MECOM: variants seen among roughly 807,000 people sequenced by gnomAD.
MECOM encodes histone-lysine N-methyltransferase MECOM.
Under a neutral mutation model 116.3 loss-of-function variants are expected in MECOM, and 13 were observed. The observed-to-expected ratio is 0.11, with a 90% CI of 0.07 to 0.18. The LOEUF is 0.18. Among genes scored for constraint, MECOM ranks in the 10% least tolerant of loss-of-function variants. MECOM has a pLI of 1.00. For synonymous variants in MECOM, 528 were observed against 535.2 expected, an observed-to-expected ratio of 0.99 and a Z score of 0.19; for missense variants, 1,299 against 1,509.0, an observed-to-expected ratio of 0.86 and a Z score of 2.31.
chr3:169,277,860 G>T (rs1447361869), intron 2 of MECOM, among the ~76,000 whole-genome samples: 1 of 152,168 alleles, frequency 6.6e-6, no homozygotes, highest in Non-Finnish European at 1.5e-5. Flanking sequence ...TCCAACCAGG[G>T]TTTCTCCCAA....
At chr3:169,313,660 C>T (rs543573083) in intron 2 of MECOM, among the ~76,000 whole-genome samples, 9 of 152,258 alleles carry the variant, frequency 5.9e-5, no homozygotes, top group African/African-American at 1.7e-4. Flanking sequence ...CTTAGTCTAG[C>T]TCCTCAGTGA....
chr3:169,329,603 G>T (rs1408618411), intron 2 of MECOM, among the ~76,000 whole-genome samples: 3 of 152,118 alleles, frequency 2.0e-5, no homozygotes, highest in Admixed American at 2.0e-4. Flanking sequence ...AGTTTATATT[G>T]CCTCCTGAGC....
At chr3:169,537,620 G>A (rs376916063) in intron 1 of MECOM, among the ~76,000 whole-genome samples, 91 of 151,840 alleles carry the variant, frequency 6.0e-4, no homozygotes, top group Middle Eastern at 3.4e-3. Flanking sequence ...CAATTTTAAC[G>A]GTCATCCCCT....
chr3:169,333,214 T>C (rs1447234008), intron 2 of MECOM, among the ~76,000 whole-genome samples: 1 of 152,012 alleles, frequency 6.6e-6, no homozygotes, highest in Non-Finnish European at 1.5e-5. Flanking sequence ...AGAGAAAGTT[T>C]TGAGGAAGTT....
At chr3:169,380,516 T>G (rs1168178609) in intron 2 of MECOM, among the ~76,000 whole-genome samples, 2 of 152,162 alleles carry the variant, frequency 1.3e-5, no homozygotes, top group Non-Finnish European at 1.5e-5. Context: ...TTCTTAGATG[T>G]TGCCAAATGG....
At chr3:169,562,174 AAG>A (rs1762732198) in intron 1 of MECOM, among the ~76,000 whole-genome samples, 1 of 134,086 alleles carries the variant, frequency 7.5e-6, no homozygotes, top group Non-Finnish European at 1.6e-5. Flanking sequence ...GAAAGAAAGA[AAG>A]AAAAAAAAAA....
intron 2 of MECOM, among the ~76,000 whole-genome samples, chr3:169,324,491 CAAT>C (rs1437286312): frequency 6.6e-6 from 1 of 152,180 alleles, no homozygotes; most frequent in African/African-American, 2.4e-5. Flanking sequence ...TTTTTATAGA[CAAT>C]ATCTTTCAAA....
In MECOM at chr3:169,381,311, T is replaced by C. The variant is rs898016993; in HGVS notation, c.251A>G (p.Glu84Gly). 8.1e-6 allele frequency: 13 copies of C among 1,613,720 alleles called. No individual in the cohort carries two copies. The highest frequency in any genetic ancestry group is 1.7e-5 in the Admixed American group (1 of 59,972). ...TAGTCCTGCCCCAGGCATATTTGAC[T>C]CTCGAAGTTCAAACTCAGCAGGAAT... ...IPIPAEFELR[E>G]SNMPGAGLGI... Residue 84 changes from glutamate to glycine, a missense_variant, in exon 2 of 17, where the codon GAG (glutamate) becomes GGG (glycine). Transcript: ENST00000651503.
At chr3:169,205,531 A>G (rs1332496129) in intron 2 of MECOM, among the ~76,000 whole-genome samples, 1 of 152,206 alleles carries the variant, frequency 6.6e-6, no homozygotes, top group Non-Finnish European at 1.5e-5. Flanking sequence ...GATCCCCTAT[A>G]TATTGTAAAT....
Position 169,089,089 on chromosome 3 carries a change from G to T in MECOM, c.3496C>A (p.Gln1166Lys), listed in dbSNP as rs769501020. The T allele has an allele frequency of 9.6e-5, 155 of 1,610,470 alleles. No homozygotes were observed. Among genetic ancestry groups the T allele is most frequent in the Non-Finnish European group, 1.3e-4 (149 of 1,178,492 alleles). Residue 1166 changes from glutamine to lysine, a missense_variant, in exon 16 of 17, where the codon CAA becomes AAA. Transcript: ENST00000651503. ...SLKMRKMEDNQYSEAELSSFS... is the reference protein window; with the variant it reads ...SLKMRKMEDNKYSEAELSSFS... ...GAAGACAGCTCAGCTTCAGAATATT[G>T]ATTATCTTCCATTTTCCTCATTTTG...
intron 1 of MECOM, among the ~76,000 whole-genome samples, chr3:169,444,578 T>C (rs1452053708): frequency 6.6e-6 from 1 of 152,200 alleles, no homozygotes; most frequent in Non-Finnish European, 1.5e-5. Context: ...CATGTGGAAC[T>C]GTAAGCTCAA....
At chr3:169,336,016 G>A (rs1723536982) in intron 2 of MECOM, among the ~76,000 whole-genome samples, 1 of 151,966 alleles carries the variant, frequency 6.6e-6, no homozygotes, top group Non-Finnish European at 1.5e-5. Context: ...GAGAATTTGC[G>A]ATTTTTTAGC....
chr3:169,388,016 C>T (rs926193001), intron 1 of MECOM, among the ~76,000 whole-genome samples: 2 of 151,924 alleles, frequency 1.3e-5, no homozygotes, highest in African/African-American at 2.4e-5. Flanking sequence ...TGGGCCCAAG[C>T]GCCAGTACTT....
intron 1 of MECOM, among the ~76,000 whole-genome samples, chr3:169,598,327 C>T (rs1767386355): frequency 6.6e-6 from 1 of 152,176 alleles, no homozygotes. Flanking sequence ...ATCTTCGCAG[C>T]TGTAATTTCC....
intron 1 of MECOM, among the ~76,000 whole-genome samples, chr3:169,417,733 A>G (rs1312705377): frequency 1.3e-5 from 2 of 152,006 alleles, no homozygotes; most frequent in African/African-American, 4.8e-5. Flanking sequence ...GATAGACTGG[A>G]TTAAGAAAAT....
At chr3:169,382,015 C>T (rs1732468674) in intron 1 of MECOM, among the ~76,000 whole-genome samples, 1 of 152,108 alleles carries the variant, frequency 6.6e-6, no homozygotes, top group Non-Finnish European at 1.5e-5. Context: ...ATGTGTGTGG[C>T]AGGATTATTT....
chr3:169,089,700 TC>T (rs1300728583), intron 15 of MECOM, among the ~76,000 whole-genome samples: 1 of 152,154 alleles, frequency 6.6e-6, no homozygotes, highest in Non-Finnish European at 1.5e-5. Context: ...TCTCTATTTT[TC>T]TTTGAGTTTT....
At chr3:169,438,269 A>G (rs934119072) in intron 1 of MECOM, among the ~76,000 whole-genome samples, 2 of 152,056 alleles carry the variant, frequency 1.3e-5, no homozygotes, top group South Asian at 2.1e-4. Context: ...TTTTTTAAAG[A>G]TTATTCAATC....
chr3:169,192,428 T>A (rs901078707), intron 2 of MECOM, among the ~76,000 whole-genome samples: 1 of 152,070 alleles, frequency 6.6e-6, no homozygotes, highest in Admixed American at 6.6e-5. Flanking sequence ...ACCTCAAATT[T>A]TTTTATTTAA....
Sources: allele counts gnomAD v4.1 joint callset (sites outside exome capture counted in the v4.1 genomes callset), GRCh38; gene constraint gnomAD v4.1.1; transcripts MANE v1.5; gene names NCBI Gene and HGNC (gene_info 2026-07-23, HGNC 2026-07-21).